CPB2: variants seen among roughly 807,000 people sequenced by gnomAD.
The protein encoded by CPB2 is carboxypeptidase B-like protein.
A neutral mutation model predicts 57.0 loss-of-function variants in CPB2; 54 were observed. The observed-to-expected ratio is 0.95, with a 90% confidence interval of 0.76 to 1.19. The LOEUF (loss-of-function observed/expected upper bound fraction) is 1.19, where lower values mean the gene tolerates loss of function less well. CPB2 is among the 50% of genes most tolerant of loss of function. The probability of loss-of-function intolerance (pLI) is 0.00; values close to 1 mark genes in which losing one functional copy is unlikely to be tolerated. For synonymous variants in CPB2, 189 were observed against 178.1 expected (o/e 1.06, Z -0.49); for missense variants, 426 against 512.0 (o/e 0.83, Z 1.62).
intron 3 of CPB2, among the ~76,000 whole-genome samples, chr13:46,082,952 T>C (rs1196743651): frequency 6.6e-6 from 1 of 152,138 alleles, no homozygotes. Context: ...GAAAAGCCTT[T>C]TCTTTCTTTT....
At chr13:46,078,054 AAC>A (rs1476136962) in intron 5 of CPB2, among the ~76,000 whole-genome samples, 1 of 152,160 alleles carries the variant, frequency 6.6e-6, no homozygotes, top group African/African-American at 2.4e-5. Flanking sequence ...CTAGAAGATG[AAC>A]TTAAAATGTT....
intron 6 of CPB2, chr13:46,073,431 AC>A: frequency 1.0e-6 from 1 of 958,260 alleles, no homozygotes; most frequent in Non-Finnish European, 1.2e-6. Flanking sequence ...ATATGAGAAA[AC>A]ATATTCTGTT....
chr13:46,097,735 A>C (rs2045385465), intron 1 of CPB2, among the ~76,000 whole-genome samples: 1 of 152,146 alleles, frequency 6.6e-6, no homozygotes, highest in Admixed American at 6.5e-5. Context: ...ATCAATACTC[A>C]TGTGGTGCTG....
chr13:46,087,623 A>G (rs2045230123), intron 2 of CPB2, 122 bp downstream of exon 2: 1 of 677,370 alleles, frequency 1.5e-6, no homozygotes, highest in Non-Finnish European at 2.6e-6. Flanking sequence ...AAGGGAGAGA[A>G]GACTATGAGA....
Position 46,053,709 on chromosome 13 carries a change from C to T in CPB2, c.1177G>A (p.Gly393Arg), listed in dbSNP as rs773350527. 6.2e-7 allele frequency: 1 copy of T among 1,614,080 alleles called. No individual in the cohort carries two copies. The highest frequency in any genetic ancestry group is 1.7e-5 in the Admixed American group (1 of 60,020). ...ATGTAACGCTCCGGCAGCAAGAATCCGTATGTGCCCGTATCTCGAAGTTCA... is the reference window on the plus strand; with the variant it reads ...ATGTAACGCTCCGGCAGCAAGAATCTGTATGTGCCCGTATCTCGAAGTTCA... ...TIELRDTGTY[G>R]FLLPERYIKP... Residue 393 changes from glycine to arginine, a missense_variant, in exon 11 of 11, where the codon GGA becomes AGA. By Grantham distance (125) the Gly-to-Arg change is moderately radical. Transcript: ENST00000181383.
intron 6 of CPB2, among the ~76,000 whole-genome samples, chr13:46,070,543 C>G (rs2044924653): frequency 6.6e-6 from 1 of 151,770 alleles, no homozygotes; most frequent in South Asian, 2.1e-4. Flanking sequence ...TTAATGTGGC[C>G]CTAAACAACA....
chr13:46,059,109 T>C (rs2044736428), intron 8 of CPB2, among the ~76,000 whole-genome samples: 1 of 152,212 alleles, frequency 6.6e-6, no homozygotes, highest in Admixed American at 6.5e-5. Flanking sequence ...AAAGATAACT[T>C]GAAATCAATA....
chr13:46,058,461 TCCTA>T (rs2044728009), intron 8 of CPB2, 80 bp from the exon 9 acceptor site: 2 of 1,207,824 alleles, frequency 1.7e-6, no homozygotes, highest in South Asian at 1.3e-5. Context: ...CAACGTATTC[TCCTA>T]CCTATGTTGC....
intron 5 of CPB2, among the ~76,000 whole-genome samples, chr13:46,074,212 T>G (rs900836375): frequency 7.0e-6 from 1 of 143,806 alleles, no homozygotes; most frequent in African/African-American, 2.6e-5. Context: ...CAGGACTCTT[T>G]GATTTAAAAC....
rs1411003873 is a variant in CPB2 at position 46,075,855 on chromosome 13, GA to G, written c.487-1879del. On this transcript the variant is annotated intron_variant, in intron 5 of 10. Transcript: ENST00000181383. Reference sequence around the variant, plus strand: ...GAGAGAGGTAGAAAACAGAACTATAGAGTTGTTTCCTAGTTCTGAAAACAAT... The same window carrying G: ...GAGAGAGGTAGAAAACAGAACTATAGGTTGTTTCCTAGTTCTGAAAACAAT... Among the ~76,000 whole-genome samples, 9 of 152,248 alleles carry G rather than the reference GA, an allele frequency of 5.9e-5. No homozygotes were observed. The South Asian group carries it at 1.9e-3, about 32-fold the overall frequency.
intron 3 of CPB2, among the ~76,000 whole-genome samples, chr13:46,083,183 AC>A (rs1215095996): frequency 6.6e-6 from 1 of 152,106 alleles, no homozygotes; most frequent in East Asian, 1.9e-4. Context: ...AGGGTTCTTT[AC>A]TTTTATTTAG....
intron 9 of CPB2, among the ~76,000 whole-genome samples, chr13:46,056,527 A>G (rs1224924700): frequency 6.6e-6 from 1 of 152,234 alleles, no homozygotes; most frequent in African/African-American, 2.4e-5. Context: ...AAAACTCAAG[A>G]GATTTATCAG....
intron 6 of CPB2, among the ~76,000 whole-genome samples, chr13:46,070,733 G>A (rs1057023996): frequency 5.3e-5 from 8 of 152,100 alleles, no homozygotes; most frequent in African/African-American, 1.9e-4. Context: ...ATATCAGAGA[G>A]CTATCCGTCT....
intron 7 of CPB2, 63 bp downstream of exon 7, chr13:46,067,244 T>G (rs2044870495): frequency 2.5e-6 from 2 of 796,422 alleles, no homozygotes; most frequent in Non-Finnish European, 4.2e-6. Context: ...TATGAATAAT[T>G]CAACCTGTAT....
chr13:46,093,638 GA>G (rs5803329), intron 1 of CPB2, among the ~76,000 whole-genome samples: 111,743 of 151,986 alleles, frequency 0.74, 41,296 homozygotes, highest in East Asian at 0.81. Flanking sequence ...CCTATTTTTG[GA>G]AAAAAAGTTA....
At chr13:46,072,784 T>C (rs1566404556) in intron 6 of CPB2, among the ~76,000 whole-genome samples, 1 of 152,114 alleles carries the variant, frequency 6.6e-6, no homozygotes, top group Non-Finnish European at 1.5e-5. Context: ...GGAAAATAAA[T>C]GTTCTTACTC....
At chr13:46,077,831 T>C (rs1303281170) in intron 5 of CPB2, among the ~76,000 whole-genome samples, 2 of 152,118 alleles carry the variant, frequency 1.3e-5, no homozygotes, top group Non-Finnish European at 2.9e-5. Flanking sequence ...TGAAATAAGC[T>C]ATGTAGGGAA....
At chr13:46,067,969 A>C (rs2044880973) in intron 6 of CPB2, among the ~76,000 whole-genome samples, 1 of 152,154 alleles carries the variant, frequency 6.6e-6, no homozygotes, top group Non-Finnish European at 1.5e-5. Flanking sequence ...ACATCATCTC[A>C]AACTTGTTCC....
chr13:46,087,298 G>A (rs1244586825), intron 2 of CPB2, among the ~76,000 whole-genome samples: 7 of 152,352 alleles, frequency 4.6e-5, no homozygotes, highest in Admixed American at 6.5e-5. Flanking sequence ...GGCAGCAGCC[G>A]CTCTAGATGG....
Sources: gnomAD v4.1 joint callset for allele counts (sites outside exome capture counted in the v4.1 genomes callset) on GRCh38, gnomAD v4.1.1 for gene constraint, MANE v1.5 for transcripts, NCBI Gene and HGNC (gene_info 2026-07-23, HGNC 2026-07-21) for gene names.